MCOLN1: variants seen among roughly 807,000 people sequenced by gnomAD.
MCOLN1 encodes mucolipin TRP cation channel 1, also known as mucolipin-1.
A neutral mutation model predicts 70.3 loss-of-function variants in MCOLN1; 50 were observed. The ratio of observed to expected loss-of-function variants is 0.71; its 90% CI spans 0.57 to 0.90. The LOEUF is 0.90. MCOLN1 is among the 40% of genes least tolerant of loss of function. The pLI is 0.00. For synonymous variants in MCOLN1, 366 were observed against 341.0 expected, an observed-to-expected ratio of 1.07 and a Z score of -0.81; for missense variants, 598 against 803.5, an observed-to-expected ratio of 0.74 and a Z score of 3.09.
chr19:7,533,827 T>TGGC lies in MCOLN1; in HGVS notation c.*34_*35insCGG. ...CTGACTGCCGTTGGACCGTAGGCCC[T>TGGC]GGACTGCAGAGACCCCCGCCCCCGA... On this transcript the variant is annotated 3_prime_UTR_variant, in exon 14 of 14. Coordinates refer to ENST00000264079, the MANE Select transcript of MCOLN1 (RefSeq NM_020533.3). 6.2e-7 allele frequency: 1 copy of TGGC among 1,613,726 alleles called. No homozygotes were observed. The highest frequency in any genetic ancestry group is 8.5e-7 in the Non-Finnish European group (1 of 1,179,682).
At chr19:7,529,761 T>C in intron 11 of MCOLN1, 49 bp downstream of exon 11, 1 of 1,611,494 alleles carries the variant, frequency 6.2e-7, no homozygotes, top group Non-Finnish European at 8.5e-7. Context: ...GACCTTGTCA[T>C]TGACACTGTG....
In MCOLN1 at chr19:7,529,087, G is replaced by A. The variant is rs2022615978; in HGVS notation, c.1135-14G>A. The A allele has an allele frequency of 2.5e-6, 4 of 1,613,806 alleles. No homozygotes were observed. Among genetic ancestry groups the A allele is most frequent in the Non-Finnish European group, 3.4e-6 (4 of 1,179,942 alleles). On this transcript the variant is annotated splice_polypyrimidine_tract_variant and intron_variant, in intron 9 of 13. Coordinates refer to ENST00000264079, the MANE Select transcript of MCOLN1 (RefSeq NM_020533.3). ...GGGCTGGGCCAGATAGGTTGACGCAGCTCCCACCCGCAGAACTTGGCGAGC... is the reference window on the plus strand; with the variant it reads ...GGGCTGGGCCAGATAGGTTGACGCAACTCCCACCCGCAGAACTTGGCGAGC...
intron 12 of MCOLN1, among the ~76,000 whole-genome samples, chr19:7,532,464 T>C (rs2022667858): frequency 6.6e-6 from 1 of 151,998 alleles, no homozygotes; most frequent in Non-Finnish European, 1.5e-5. Context: ...TCCCAGCCCT[T>C]TGGGAGGCCG....
intron 1 of MCOLN1, among the ~76,000 whole-genome samples, chr19:7,523,656 C>G (rs929835374): frequency 6.6e-6 from 1 of 152,232 alleles, no homozygotes; most frequent in African/African-American, 2.4e-5. Context: ...GGGGGTGTGA[C>G]AGGGACAGTT....
intron 1 of MCOLN1, 93 bp downstream of exon 1, chr19:7,522,874 C>T (rs772654758): frequency 8.7e-7 from 1 of 1,155,636 alleles, no homozygotes; most frequent in Non-Finnish European, 1.1e-6. Context: ...CTCTTTTTTT[C>T]TAAGCTCCAG....
At chr19:7,527,493 G>T in intron 4 of MCOLN1, 27 bp from the exon 5 acceptor site, 1 of 1,000,040 alleles carries the variant, frequency 1.0e-6, no homozygotes, top group Non-Finnish European at 1.6e-6. Flanking sequence ...GGCCCCCTGA[G>T]GCCCTTCCCT....
At chr19:7,531,406 G>A (rs2022651713) in intron 12 of MCOLN1, among the ~76,000 whole-genome samples, 1 of 150,780 alleles carries the variant, frequency 6.6e-6, no homozygotes, top group Middle Eastern at 3.3e-3. Context: ...TCACCACGTT[G>A]GCCAGGCTGG....
chr19:7,525,489 T>TAAA lies in MCOLN1; in HGVS notation c.237+323_237+324insAAA. The TAAA allele has an allele frequency of 1.8e-5, 4 of 217,814 alleles. No individual in the cohort carries two copies. The highest frequency in any genetic ancestry group is 3.6e-5 in the African/African-American group (1 of 27,468). The allele number at this position is 217,814 out of a possible 1,614,324, so 13.5% of individuals were successfully genotyped here. A position where few individuals can be genotyped will look rare whatever the true frequency, so the allele number is the denominator to read the frequency against. The stretch of plus-strand genomic sequence containing the variant: ...GCCTGGGCAACAGAGCAAGACTGTC[T>TAAA]CAAAAAAAAAAAGAAGCCGACTCTG... On this transcript the variant is annotated intron_variant, in intron 2 of 13. Coordinates refer to ENST00000264079, the MANE Select transcript of MCOLN1 (RefSeq NM_020533.3). The surrounding 1 kb of genome is among the most constrained non-coding windows in gnomAD (Gnocchi z 4.2).
rs775040894 is a variant in MCOLN1 at position 7,524,969 on chromosome 19, C to A, written c.40C>A (p.Arg14=). 6.2e-6 allele frequency: 10 copies of A among 1,613,578 alleles called. No individual in the cohort carries two copies. Among genetic ancestry groups the A allele is most frequent in the South Asian group, 4.4e-5 (4 of 91,060 alleles). ...PAGPRGSETE[R]LLTPNPGYGT... ...CTCTCCTATTCCCACAGAGACCGAG[C>A]GGCTTCTGACCCCCAACCCCGGGTA... is the stretch of plus-strand genomic sequence containing the variant. The change falls in exon 2 of 14, where the codon CGG becomes AGG. Residue 14 remains arginine (R), a synonymous_variant. Transcript: ENST00000264079. This position sits in a 1 kb window ranked among gnomAD's most constrained non-coding sequence, Gnocchi z 4.1.
intron 4 of MCOLN1, 129 bp from the exon 5 acceptor site, chr19:7,527,391 G>A (rs1289736140): frequency 1.4e-6 from 1 of 720,158 alleles, no homozygotes; most frequent in Admixed American, 2.0e-5. Flanking sequence ...CGCAGGCCCA[G>A]AGAGTGCCAG....
rs931534606 is a variant in MCOLN1, at chr19:7,524,787, G to A, written c.32-174G>A. Among the ~76,000 whole-genome samples, 10 of 152,192 alleles carry A rather than the reference G, an allele frequency of 6.6e-5. No individual in the cohort carries two copies. The highest frequency in any genetic ancestry group is 1.3e-4 in the Non-Finnish European group (9 of 68,032). ...CTCATAACCTCTGAGCAGGACGGGTGCATAGATACCTACAATGTCACAGGT... is the reference window on the plus strand; with the variant it reads ...CTCATAACCTCTGAGCAGGACGGGTACATAGATACCTACAATGTCACAGGT... On this transcript the variant is annotated intron_variant, in intron 1 of 13. Transcript: ENST00000264079. This position sits in a 1 kb window ranked among gnomAD's most constrained non-coding sequence, Gnocchi z 4.1.
Position 7,528,366 on chromosome 19 carries a change from C to T in MCOLN1, c.877+109C>T, listed in dbSNP as rs990983914. 4.8e-5 allele frequency: 54 copies of T among 1,122,474 alleles called. No individual in the cohort carries two copies. In the African/African-American group the frequency reaches 6.0e-4, roughly 13 times the overall value. The allele number at this position is 1,122,474 out of a possible 1,614,324, so 69.5% of individuals were successfully genotyped here. ...GGGGGCCGTGACCTCCCCAGGAATC[C>T]GCTGAGCCTCAGATCAGCACAGACC... is the stretch of plus-strand genomic sequence containing the variant. On this transcript the variant is annotated intron_variant, in intron 7 of 13. Transcript: ENST00000264079. The surrounding 1 kb of genome is among the most constrained non-coding windows in gnomAD (Gnocchi z 4.2).
intron 10 of MCOLN1, among the ~76,000 whole-genome samples, 157 bp downstream of exon 10, chr19:7,529,359 C>T (rs1259982464): frequency 2.0e-5 from 3 of 152,208 alleles, no homozygotes. Flanking sequence ...ACTGCACCTG[C>T]GCGGGGCCCC....
intron 12 of MCOLN1, 151 bp downstream of exon 12, chr19:7,530,652 T>G: frequency 1.2e-6 from 1 of 825,980 alleles, no homozygotes. Context: ...GGTTCAGAAC[T>G]GGGGGGCGCA....
At chr19:7,527,716 G>A in intron 5 of MCOLN1, 88 bp downstream of exon 5, 1 of 1,111,006 alleles carries the variant, frequency 9.0e-7, no homozygotes, top group Non-Finnish European at 1.4e-6. Flanking sequence ...CCTAAGGTGG[G>A]GACAGGGCCC....
In MCOLN1 at chr19:7,527,592, G is replaced by A; in HGVS notation, c.644G>A (p.Ser215Asn). The A allele has an allele frequency of 6.2e-7, 1 of 1,613,570 alleles. No homozygotes were observed. The highest frequency in any genetic ancestry group is 8.5e-7 in the Non-Finnish European group (1 of 1,179,470). ...GACGATCTCACCCTCTTGGAAAGCAGCTCCAGTTACAAGAACCTCACGCTC... is the reference window on the plus strand; with the variant it reads ...GACGATCTCACCCTCTTGGAAAGCAACTCCAGTTACAAGAACCTCACGCTC... ...PSDDLTLLES[S>N]SSYKNLTLKF... The change falls in exon 5 of 14, where the codon AGC (serine) becomes AAC (asparagine). Residue 215 changes from serine (S) to asparagine (N), a missense_variant. Coordinates refer to ENST00000264079, the MANE Select transcript of MCOLN1 (RefSeq NM_020533.3).
chr19:7,527,441 G>A, intron 4 of MCOLN1, 79 bp from the exon 5 acceptor site: 1 of 781,352 alleles, frequency 1.3e-6, no homozygotes, highest in Non-Finnish European at 2.4e-6. Context: ...GCACAGGGAA[G>A]AAGGCCACTG....
Position 7,528,321 on chromosome 19 carries a change from G to C in MCOLN1, c.877+64G>C. Reference sequence around the variant, plus strand: ...CCTGGCCTGTCCTGGGATTCCCCAAGCCCCAGATCAGCGCTGCCTGGGGGC... The same window carrying C: ...CCTGGCCTGTCCTGGGATTCCCCAACCCCCAGATCAGCGCTGCCTGGGGGC... On this transcript the variant is annotated intron_variant, in intron 7 of 13. Coordinates refer to ENST00000264079, the MANE Select transcript of MCOLN1 (RefSeq NM_020533.3). This position sits in a 1 kb window ranked among gnomAD's most constrained non-coding sequence, Gnocchi z 4.2. 4 of 1,508,168 alleles carry C rather than the reference G, an allele frequency of 2.7e-6. No individual in the cohort carries two copies. Among genetic ancestry groups the C allele is most frequent in the Non-Finnish European group, 3.7e-6 (4 of 1,085,778 alleles). 93.4% of individuals were successfully genotyped at this position (1,508,168 alleles called of 1,614,324 possible). A position where few individuals can be genotyped will look rare whatever the true frequency, so the allele number is the denominator to read the frequency against.
chr19:7,530,231 C>T, intron 11 of MCOLN1, 55 bp from the exon 12 acceptor site: 2 of 1,481,882 alleles, frequency 1.3e-6, no homozygotes, highest in Middle Eastern at 1.9e-4. Context: ...CTGACCCCAG[C>T]CCCCGGTTCC....
Sources: allele counts gnomAD v4.1 joint callset (sites outside exome capture counted in the v4.1 genomes callset), GRCh38; gene constraint gnomAD v4.1.1; non-coding constraint Gnocchi (gnomAD v3.1); transcripts MANE v1.5; gene names NCBI Gene and HGNC (gene_info 2026-07-23, HGNC 2026-07-21).